Variants in MARCHF11 observed in about 807,000 individuals in gnomAD.
MARCHF11 encodes the protein E3 ubiquitin-protein ligase MARCHF11.
MARCHF11 carries 29 observed loss-of-function variants against 37.3 expected under a neutral mutation model. The ratio of observed to expected loss-of-function variants is 0.78; its 90% CI spans 0.58 to 1.06. MARCHF11 has a LOEUF of 1.06. Among genes scored for constraint, MARCHF11 ranks in the 50% least tolerant of loss-of-function variants. MARCHF11 has a pLI of 0.00. For synonymous variants in MARCHF11, 233 were observed against 228.0 expected, an observed-to-expected ratio of 1.02 and a Z score of -0.20; for missense variants, 482 against 533.4, an observed-to-expected ratio of 0.90 and a Z score of 0.95.
chr5:16,139,692 A>G (rs1012520717), intron 2 of MARCHF11, among the ~76,000 whole-genome samples: 3 of 152,210 alleles, frequency 2.0e-5, no homozygotes, highest in African/African-American at 7.2e-5. Flanking sequence ...ATCTAACACT[A>G]TAAATATGGT....
intron 2 of MARCHF11, among the ~76,000 whole-genome samples, chr5:16,100,296 G>A (rs991901837): frequency 2.6e-5 from 4 of 152,130 alleles, no homozygotes; most frequent in Admixed American, 6.5e-5. Flanking sequence ...GGGAGTAGGC[G>A]AGGCTGCCCT....
intron 2 of MARCHF11, among the ~76,000 whole-genome samples, chr5:16,168,801 A>G (rs747523905): frequency 2.0e-5 from 3 of 152,136 alleles, no homozygotes; most frequent in Admixed American, 6.5e-5. Context: ...TGAATGCTCA[A>G]TACAGGCCTG....
intron 2 of MARCHF11, among the ~76,000 whole-genome samples, chr5:16,121,212 C>T (rs1737303929): frequency 6.6e-6 from 1 of 152,214 alleles, no homozygotes; most frequent in Non-Finnish European, 1.5e-5. Context: ...TTAATACATT[C>T]ATTATACAGA....
chr5:16,155,933 G>A (rs1392807884), intron 2 of MARCHF11, among the ~76,000 whole-genome samples: 1 of 151,868 alleles, frequency 6.6e-6, no homozygotes, highest in Non-Finnish European at 1.5e-5. Flanking sequence ...GAAAACTCCC[G>A]AGCATACTCG....
At chr5:16,099,677 C>CA (rs1736925255) in intron 2 of MARCHF11, among the ~76,000 whole-genome samples, 1 of 152,000 alleles carries the variant, frequency 6.6e-6, no homozygotes, top group African/African-American at 2.4e-5. Flanking sequence ...TCATAGAAAT[C>CA]AAAAAAGAAA....
intron 2 of MARCHF11, among the ~76,000 whole-genome samples, chr5:16,152,967 T>A (rs1035878664): frequency 5.3e-5 from 8 of 152,132 alleles, no homozygotes; most frequent in African/African-American, 1.9e-4. Flanking sequence ...ATCATTCACT[T>A]CAACTTCCCT....
At chr5:16,073,140 GCT>G (rs1736465190) in intron 3 of MARCHF11, among the ~76,000 whole-genome samples, 1 of 152,112 alleles carries the variant, frequency 6.6e-6, no homozygotes, top group African/African-American at 2.4e-5. Context: ...AGGACTTTGG[GCT>G]CTGTTTAATC....
At chr5:16,102,631 C>G (rs370016110) in intron 2 of MARCHF11, among the ~76,000 whole-genome samples, 3 of 152,178 alleles carry the variant, frequency 2.0e-5, no homozygotes, top group African/African-American at 7.2e-5. Context: ...CCATTTCCAG[C>G]TCCCCATCCC....
intron 3 of MARCHF11, among the ~76,000 whole-genome samples, chr5:16,068,027 T>C (rs1736378172): frequency 6.6e-6 from 1 of 152,206 alleles, no homozygotes; most frequent in Non-Finnish European, 1.5e-5. Context: ...ATCAAGCTAT[T>C]GTGGATATAA....
intron 2 of MARCHF11, among the ~76,000 whole-genome samples, chr5:16,124,254 G>T (rs562684953): frequency 6.6e-6 from 1 of 152,122 alleles, no homozygotes; most frequent in Non-Finnish European, 1.5e-5. Context: ...AGAACCTAAG[G>T]GTTCTGAACA....
intron 2 of MARCHF11, among the ~76,000 whole-genome samples, chr5:16,142,689 C>CTT (rs11369577): frequency 0.015 from 1,641 of 110,268 alleles, 77 homozygotes; most frequent in African/African-American, 0.044. Flanking sequence ...TATATTTTAT[C>CTT]TTTTTTTTTT....
At chr5:16,166,197 T>G (rs1738166094) in intron 2 of MARCHF11, among the ~76,000 whole-genome samples, 1 of 152,072 alleles carries the variant, frequency 6.6e-6, no homozygotes. Context: ...TTTTGAGCAC[T>G]TCTTTACAAT....
Position 16,104,914 on chromosome 5 carries a change from A to AACAC in MARCHF11, c.694-13837_694-13834dup, listed in dbSNP as rs35858618. ...TAAGGTTATGGTAAGGACTAAAGGA[A>AACAC]ACACACACACACACACACACACACA... On this transcript the variant is annotated intron_variant, in intron 2 of 3. Transcript: ENST00000332432. 1.4e-3 allele frequency among the ~76,000 whole-genome samples: 214 copies of AACAC among 149,656 alleles called. 2 individuals carry two copies. The highest frequency in any genetic ancestry group is 3.4e-3 in the Middle Eastern group (1 of 290).
At chr5:16,082,250 C>G (rs1347823848) in intron 3 of MARCHF11, among the ~76,000 whole-genome samples, 1 of 152,180 alleles carries the variant, frequency 6.6e-6, no homozygotes, top group Non-Finnish European at 1.5e-5. Context: ...TCAGGCTCAT[C>G]ACGTTGAATC....
intron 3 of MARCHF11, among the ~76,000 whole-genome samples, chr5:16,082,220 G>T (rs2126550410): frequency 6.6e-6 from 1 of 152,316 alleles, no homozygotes; most frequent in South Asian, 2.1e-4. Flanking sequence ...CCTGTTGGAG[G>T]ATAAGCTGCT....
chr5:16,070,475 G>A (rs886483923), intron 3 of MARCHF11, among the ~76,000 whole-genome samples: 8 of 152,184 alleles, frequency 5.3e-5, no homozygotes, highest in African/African-American at 1.9e-4. Flanking sequence ...GCCCGAGACA[G>A]GTTCATTCTG....
intron 2 of MARCHF11, among the ~76,000 whole-genome samples, chr5:16,127,337 T>C (rs1257038399): frequency 6.6e-6 from 1 of 152,070 alleles, no homozygotes; most frequent in Admixed American, 6.6e-5. Context: ...GGGCAGGCCA[T>C]AAAAAACATC....
At chr5:16,165,963 T>A in intron 2 of MARCHF11, among the ~76,000 whole-genome samples, 1 of 152,098 alleles carries the variant, frequency 6.6e-6, no homozygotes, top group East Asian at 1.9e-4. Context: ...GAACCACCAG[T>A]GCAATTATTT....
intron 3 of MARCHF11, among the ~76,000 whole-genome samples, chr5:16,071,336 G>A (rs13173015): frequency 0.31 from 46,530 of 151,986 alleles, 8,543 homozygotes; most frequent in East Asian, 0.63. Flanking sequence ...TGAGGAGTGT[G>A]TGCATGTGTA....
Sources: allele counts gnomAD v4.1 joint callset (sites outside exome capture counted in the v4.1 genomes callset), GRCh38; gene constraint gnomAD v4.1.1; transcripts MANE v1.5; gene names NCBI Gene and HGNC (gene_info 2026-07-23, HGNC 2026-07-21).